Variants in TGFBR3 observed in about 807,000 individuals in gnomAD.
The protein encoded by TGFBR3 is transforming growth factor beta receptor 3, also known as transforming growth factor beta receptor type 3.
A neutral mutation model predicts 87.9 loss-of-function variants in TGFBR3; 46 were observed. That is an observed-to-expected ratio of 0.52 (90% confidence interval 0.41 to 0.67). The LOEUF (loss-of-function observed/expected upper bound fraction) is 0.67. Among genes scored for constraint, TGFBR3 ranks in the 30% least tolerant of loss-of-function variants. TGFBR3 has a pLI of 0.00. For missense variants in TGFBR3, 866 were observed against 1,041.9 expected, an observed-to-expected ratio of 0.83 and a Z score of 2.32; for synonymous variants, 381 against 391.6, an observed-to-expected ratio of 0.97 and a Z score of 0.32.
intron 2 of TGFBR3, among the ~76,000 whole-genome samples, chr1:91,817,123 GT>G (rs1676262187): frequency 6.6e-6 from 1 of 152,150 alleles, no homozygotes; most frequent in African/African-American, 2.4e-5. Context: ...TTGAAACTCT[GT>G]GTTAGGCTTT....
Position 91,721,988 on chromosome 1 carries a change from C to A in TGFBR3, c.1042G>T (p.Ala348Ser), listed in dbSNP as rs1235201966. 8 of 1,613,424 alleles carry A rather than the reference C, an allele frequency of 5.0e-6. No individual in the cohort carries two copies. The highest frequency in any genetic ancestry group is 1.7e-5 in the Admixed American group (1 of 59,968). ...TCAAGCCGAAGATGAAATCTATTAGCCACAGGAGCCATTGTGTATGAAGTT... is the reference window on the plus strand; with the variant it reads ...TCAAGCCGAAGATGAAATCTATTAGACACAGGAGCCATTGTGTATGAAGTT... The part of the protein sequence containing the change: ...PITSYTMAPV[A>S]NRFHLRLENN... The change falls in exon 8 of 17, where the codon GCT becomes TCT. Residue 348 changes from alanine (A) to serine (S), a missense_variant. Transcript: ENST00000212355.
At position 91,777,597 on chromosome 1, in the gene TGFBR3, A is replaced by G. The variant is rs972370316; in HGVS notation, c.247-18847T>C. Among the ~76,000 whole-genome samples, 51 of 95,678 alleles carry G rather than the reference A, an allele frequency of 5.3e-4. 1 individual carries two copies. Among genetic ancestry groups the G allele is most frequent in the Non-Finnish European group, 2.2e-5 (1 of 45,940 alleles). 62.8% of individuals were successfully genotyped at this position (95,678 alleles called of 152,430 possible). A position where few individuals can be genotyped will look rare whatever the true frequency, so the allele number is the denominator to read the frequency against. ...CAGCCCCAGCCCCAACCCCAGCTCTAGCCCCAGCCCTAGCCCCAGCCCCAC... is the reference window on the plus strand; with the variant it reads ...CAGCCCCAGCCCCAACCCCAGCTCTGGCCCCAGCCCTAGCCCCAGCCCCAC... On this transcript the variant is annotated intron_variant, in intron 3 of 16. Transcript: ENST00000212355.
At chr1:91,894,479 A>G (rs1269953836) in intron 2 of TGFBR3, among the ~76,000 whole-genome samples, 1 of 152,152 alleles carries the variant, frequency 6.6e-6, no homozygotes, top group Non-Finnish European at 1.5e-5. Context: ...TTCTTCATCC[A>G]CAGCTCCTCC....
chr1:91,709,128 T>C (rs140861782), intron 13 of TGFBR3, among the ~76,000 whole-genome samples: 34 of 152,338 alleles, frequency 2.2e-4, no homozygotes, highest in African/African-American at 7.9e-4. Context: ...CTGGGCTTCA[T>C]ATACACGGTT....
intron 2 of TGFBR3, among the ~76,000 whole-genome samples, chr1:91,830,360 G>A (rs1676812030): frequency 6.6e-6 from 1 of 152,112 alleles, no homozygotes; most frequent in Admixed American, 6.5e-5. Context: ...TCTTTGTTTT[G>A]GTTTAGCCCT....
intron 1 of TGFBR3, among the ~76,000 whole-genome samples, chr1:91,885,474 C>T (rs1305272253): frequency 1.3e-5 from 2 of 152,166 alleles, no homozygotes; most frequent in African/African-American, 2.4e-5. Flanking sequence ...ACAGCCTGGG[C>T]CACGGCAATT....
chr1:91,777,208 G>A (rs958412554), intron 3 of TGFBR3, among the ~76,000 whole-genome samples: 1 of 152,152 alleles, frequency 6.6e-6, no homozygotes, highest in African/African-American at 2.4e-5. Flanking sequence ...GAAATCTGGG[G>A]ACAAACATTT....
intron 10 of TGFBR3, among the ~76,000 whole-genome samples, chr1:91,718,538 G>C (rs1026679082): frequency 1.8e-5 from 2 of 110,970 alleles, no homozygotes; most frequent in Non-Finnish European, 3.5e-5. Context: ...ACCATTAAAA[G>C]TAAAACCCAA....
At chr1:91,896,988 A>G (rs1679567858) in intron 2 of TGFBR3, among the ~76,000 whole-genome samples, 1 of 151,962 alleles carries the variant, frequency 6.6e-6, no homozygotes. Flanking sequence ...AAAAAGACAA[A>G]GTAAGTTTCC....
At chr1:91,685,523 T>C (rs1253239188) in intron 16 of TGFBR3, among the ~76,000 whole-genome samples, 1 of 151,980 alleles carries the variant, frequency 6.6e-6, no homozygotes, top group East Asian at 1.9e-4. Flanking sequence ...ACGATTTCAC[T>C]GTGTTAGCCA....
intron 2 of TGFBR3, among the ~76,000 whole-genome samples, chr1:91,835,725 G>A (rs1489124677): frequency 6.6e-6 from 1 of 151,074 alleles, no homozygotes; most frequent in Non-Finnish European, 1.5e-5. Context: ...CTACTGGGGA[G>A]GCTGAGGCAG....
In TGFBR3 at chr1:91,720,140, G is replaced by C. The variant is rs755269794; in HGVS notation, c.1166C>G (p.Pro389Arg). Residue 389 changes from proline (P) to arginine (R), a missense_variant, in exon 9 of 17, where the codon CCG (proline) becomes CGG (arginine). Physicochemically the swap from Pro to Arg is moderately radical, Grantham distance 103. Coordinates refer to ENST00000212355, the MANE Select transcript of TGFBR3 (RefSeq NM_003243.5). ...DPGALPALQN[P>R]PIRGGEGQNG... ...TTGGCCTTCCCCTCCCCGGATGGGC[G>C]GGTTCTGCAGGGCAGGCAGGGCACC... 1 of 1,613,806 alleles carries C rather than the reference G, an allele frequency of 6.2e-7. No homozygotes were observed.
chr1:91,772,600 T>C (rs943477343), intron 3 of TGFBR3, among the ~76,000 whole-genome samples: 13 of 152,332 alleles, frequency 8.5e-5, no homozygotes, highest in African/African-American at 3.1e-4. Context: ...TTATAGGGCC[T>C]GGTAATTCTG....
chr1:91,758,355 T>C (rs1439265260), intron 4 of TGFBR3, among the ~76,000 whole-genome samples: 1 of 151,722 alleles, frequency 6.6e-6, no homozygotes, highest in African/African-American at 2.4e-5. Context: ...CCACACAGAG[T>C]ATGACGACAG....
rs141991721 is a variant in TGFBR3, at chr1:91,696,353, C to T, written c.2330-574G>A. On this transcript the variant is annotated intron_variant, in intron 15 of 16. Coordinates refer to ENST00000212355, the MANE Select transcript of TGFBR3 (RefSeq NM_003243.5). ...CTGTGGATTATAACATTTCACCGATCTCCTCATATTAAACTCTTAATCTTA... is the reference window on the plus strand; with the variant it reads ...CTGTGGATTATAACATTTCACCGATTTCCTCATATTAAACTCTTAATCTTA... Among the ~76,000 whole-genome samples the T allele has an allele frequency of 5.3e-5, 8 of 152,294 alleles. No individual in the cohort carries two copies. In the East Asian group the frequency reaches 1.5e-3, roughly 29 times the overall value.
Position 91,719,376 on chromosome 1 carries a change from G to C in TGFBR3, c.1502C>G (p.Pro501Arg), listed in dbSNP as rs1672281796. 1 of 1,614,166 alleles carries C rather than the reference G, an allele frequency of 6.2e-7. No individual in the cohort carries two copies. The highest frequency in any genetic ancestry group is 8.5e-7 in the Non-Finnish European group (1 of 1,180,038). Residue 501 changes from proline (P) to arginine (R), a missense_variant, in exon 10 of 17, where the codon CCT becomes CGT. Physicochemically the swap from Pro to Arg is moderately radical, Grantham distance 103. Coordinates refer to ENST00000212355, the MANE Select transcript of TGFBR3 (RefSeq NM_003243.5). ...MNGTHFVLES[P>R]LNGCGTRPRW... ...GGGCCGAGTACCGCAGCCATTCAGA[G>C]GAGACTCCAAAACAAAGTGTGTGCC...
chr1:91,749,684 G>A (rs192692647), intron 4 of TGFBR3, among the ~76,000 whole-genome samples: 1 of 152,232 alleles, frequency 6.6e-6, no homozygotes, highest in East Asian at 1.9e-4. Context: ...GGTCACCTGT[G>A]GAGAACCCTT....
chr1:91,873,282 CTTTT>C (rs34364302), intron 1 of TGFBR3, among the ~76,000 whole-genome samples: 1 of 100,946 alleles, frequency 9.9e-6, no homozygotes, highest in African/African-American at 3.7e-5. Flanking sequence ...ATTTTCCCTT[CTTTT>C]TTTTTTTTTT....
intron 4 of TGFBR3, among the ~76,000 whole-genome samples, chr1:91,754,089 T>C (rs1202988531): frequency 6.6e-6 from 1 of 152,220 alleles, no homozygotes; most frequent in Non-Finnish European, 1.5e-5. Context: ...TTCATTAGCA[T>C]GTCCCTAATG....
Sources: gnomAD v4.1 joint callset for allele counts (sites outside exome capture counted in the v4.1 genomes callset) on GRCh38, gnomAD v4.1.1 for gene constraint, MANE v1.5 for transcripts, NCBI Gene and HGNC (gene_info 2026-07-23, HGNC 2026-07-21) for gene names.